The following MYLIP variants were observed in gnomAD, a reference collection of about 807,000 sequenced individuals.
MYLIP encodes myosin regulatory light chain interacting protein.
A neutral mutation model predicts 45.8 loss-of-function variants in MYLIP; 26 were observed. The ratio of observed to expected loss-of-function variants is 0.57; its 90% CI spans 0.42 to 0.79. The LOEUF is 0.79. Among genes scored for constraint, MYLIP ranks in the 30% least tolerant of loss-of-function variants. MYLIP has a pLI of 0.00. For missense variants in MYLIP, 494 were observed against 555.6 expected (o/e 0.89, Z 1.11); for synonymous variants, 213 against 218.1 (o/e 0.98, Z 0.21).
chr6:16,151,178 T>C (rs1346155605), downstream of MYLIP, among the ~76,000 whole-genome samples: 2 of 149,288 alleles, frequency 1.3e-5, no homozygotes, highest in Admixed American at 6.7e-5. Context: ...TGAAACCCCA[T>C]CTCTGCTAAA....
intron 2 of MYLIP, among the ~76,000 whole-genome samples, chr6:16,138,041 A>T (rs1759590673): frequency 6.6e-6 from 1 of 152,232 alleles, no homozygotes; most frequent in South Asian, 2.1e-4. Flanking sequence ...AACTTAAAGA[A>T]GAGTCATGAA....
In MYLIP at chr6:16,143,112, G is replaced by C; in HGVS notation, c.557G>C (p.Gly186Ala). Residue 186 changes from glycine (G) to alanine (A), a missense_variant, in exon 4 of 7, where the codon GGC becomes GCC. By Grantham distance (60) the Gly-to-Ala change is moderately conservative. Coordinates refer to ENST00000356840, the MANE Select transcript of MYLIP (RefSeq NM_013262.4). Reference protein sequence around the residue: ...LQIVSAMENYGIEWHSVRDSE... With the variant: ...LQIVSAMENYAIEWHSVRDSE... ...ATTGTGTCGGCAATGGAAAACTATG[G>C]CATAGAATGGCATTCTGTGCGGGAT... The C allele has an allele frequency of 6.2e-7, 1 of 1,614,162 alleles. No individual in the cohort carries two copies. Among genetic ancestry groups the C allele is most frequent in the Non-Finnish European group, 8.5e-7 (1 of 1,180,040 alleles).
chr6:16,141,503 A>T, intron 2 of MYLIP, 122 bp from the exon 3 acceptor site: 2 of 892,536 alleles, frequency 2.2e-6, no homozygotes, highest in Non-Finnish European at 3.3e-6. Flanking sequence ...CTTTAATGTT[A>T]AGCATTTTCA....
chr6:16,159,675 GC>G, the MYLIP span, among the ~76,000 whole-genome samples: 8 of 152,158 alleles, frequency 5.3e-5, no homozygotes, highest in Non-Finnish European at 1.0e-4. Context: ...AGCCAGTCCT[GC>G]CTGGAATAAG....
chr6:16,158,503 A>C, the MYLIP span, among the ~76,000 whole-genome samples: 1 of 152,178 alleles, frequency 6.6e-6, no homozygotes, highest in African/African-American at 2.4e-5. Context: ...TATGTGAAAA[A>C]CTATATATAC....
chr6:16,152,950 G>A (rs1181181813), downstream of MYLIP, among the ~76,000 whole-genome samples: 2 of 152,120 alleles, frequency 1.3e-5, no homozygotes, highest in Non-Finnish European at 2.9e-5. Context: ...AGATGGGGTT[G>A]GGGAGTTAGG....
intron 6 of MYLIP, among the ~76,000 whole-genome samples, chr6:16,146,449 A>G (rs1759791605): frequency 6.6e-6 from 1 of 152,214 alleles, no homozygotes; most frequent in South Asian, 2.1e-4. Flanking sequence ...TTCAGTTTAT[A>G]CTATGTCATA....
At chr6:16,137,457 A>C (rs1231998965) in intron 2 of MYLIP, among the ~76,000 whole-genome samples, 3 of 152,248 alleles carry the variant, frequency 2.0e-5, no homozygotes, top group African/African-American at 7.2e-5. Context: ...ATTTGAAAAA[A>C]ATAGCTGCTT....
chr6:16,141,509 T>C, intron 2 of MYLIP, 116 bp from the exon 3 acceptor site: 1 of 991,804 alleles, frequency 1.0e-6, no homozygotes, highest in Non-Finnish European at 1.5e-6. Context: ...TGTTAAGCAT[T>C]TTCAGTGTGA....
At chr6:16,161,092 G>A in the MYLIP span, 1 of 155,836 alleles carries the variant, frequency 6.4e-6, no homozygotes, top group African/African-American at 2.4e-5. Context: ...GTGAAGAGCG[G>A]CTGCTATGCT....
Position 16,129,194 on chromosome 6 carries a change from G to T in MYLIP, c.-129G>T. 1 of 959,144 alleles carries T rather than the reference G, an allele frequency of 1.0e-6. No homozygotes were observed. The allele number at this position is 959,144 out of a possible 1,614,324, so 59.4% of individuals were successfully genotyped here. A position where few individuals can be genotyped will look rare whatever the true frequency, so the allele number is the denominator to read the frequency against. The stretch of plus-strand genomic sequence containing the variant: ...TGGCGGCCGCGGGGCCCCGGACAAG[G>T]GTCCGCAGAGCTGCAGCCTTCGAGG... On this transcript the variant is annotated 5_prime_UTR_variant, in exon 1 of 7. Transcript: ENST00000356840. The surrounding 1 kb of genome is among the most constrained non-coding windows in gnomAD (Gnocchi z 5.1).
At chr6:16,149,670 C>T (rs948364892), downstream of MYLIP, among the ~76,000 whole-genome samples, 10 of 152,130 alleles carry the variant, frequency 6.6e-5, no homozygotes, top group Admixed American at 2.6e-4. Context: ...ACTTTTGGGA[C>T]GGGGTAGCAA....
chr6:16,139,138 T>G (rs1333479999), intron 2 of MYLIP, among the ~76,000 whole-genome samples: 3 of 152,184 alleles, frequency 2.0e-5, no homozygotes, highest in African/African-American at 7.2e-5. Context: ...AAAAGCCACT[T>G]TTGCCTGTAA....
At chr6:16,162,169 G>A in the MYLIP span, among the ~76,000 whole-genome samples, 3 of 152,322 alleles carry the variant, frequency 2.0e-5, no homozygotes, top group East Asian at 5.8e-4. Context: ...TCCTTAAGAA[G>A]TAAAATGTGA....
the MYLIP span, among the ~76,000 whole-genome samples, chr6:16,159,399 C>G: frequency 6.6e-6 from 1 of 152,124 alleles, no homozygotes; most frequent in African/African-American, 2.4e-5. Context: ...CAGTTGGGCC[C>G]TTTCATGGGA....
chr6:16,161,311 A>G, the MYLIP span: 1 of 338,784 alleles, frequency 3.0e-6, no homozygotes, highest in Non-Finnish European at 5.9e-6. Context: ...TACTGGACCT[A>G]CAGCTTCAGA....
At chr6:16,163,100 C>T in the MYLIP span, among the ~76,000 whole-genome samples, 10 of 152,152 alleles carry the variant, frequency 6.6e-5, no homozygotes, top group African/African-American at 2.4e-4. Context: ...CATTAAGCAG[C>T]TGAACTCACT....
At chr6:16,155,387 C>T in the MYLIP span, among the ~76,000 whole-genome samples, 1 of 152,056 alleles carries the variant, frequency 6.6e-6, no homozygotes, top group Non-Finnish European at 1.5e-5. Context: ...CTTCCAGACA[C>T]AATAAACAGC....
At chr6:16,134,254 A>G (rs1365837564) in intron 2 of MYLIP, among the ~76,000 whole-genome samples, 1 of 152,244 alleles carries the variant, frequency 6.6e-6, no homozygotes, top group Non-Finnish European at 1.5e-5. Context: ...GAATCATAGA[A>G]TTAAGAACTT....
Sources: gnomAD v4.1 joint callset for allele counts (sites outside exome capture counted in the v4.1 genomes callset) on GRCh38, gnomAD v4.1.1 for gene constraint, Gnocchi (gnomAD v3.1) non-coding constraint, MANE v1.5 for transcripts, NCBI Gene and HGNC (gene_info 2026-07-23, HGNC 2026-07-21) for gene names.